AMIGO3: variants seen among roughly 807,000 people sequenced by gnomAD.
AMIGO3 encodes the protein amphoterin-induced protein 3.
AMIGO3 carries 6 observed loss-of-function variants against 4.3 expected under a neutral mutation model. The ratio of observed to expected loss-of-function variants is 1.39; its 90% CI spans 0.76 to 2.75. The LOEUF is 2.75. Among genes scored for constraint, AMIGO3 ranks in the 30% most tolerant of loss-of-function variants. The pLI, the probability that AMIGO3 is intolerant of heterozygous loss-of-function variation, is 0.00. For missense variants in AMIGO3, 771 were observed against 692.1 expected, an observed-to-expected ratio of 1.11 and a Z score of -1.28; for synonymous variants, 315 against 320.0, an observed-to-expected ratio of 0.98 and a Z score of 0.17.
Position 49,718,635 on chromosome 3 carries a change from T to G in AMIGO3, c.831A>C (p.Pro277=), listed in dbSNP as rs749952391. ...CTTCCGGCCGCTCTAGGCCAAGAGC[T>G]GGGGCCGACGAGCAGTTCTCAAAGA... is the stretch of plus-strand genomic sequence containing the variant. The part of the protein sequence containing the change: ...SRVFENCSSA[P]ALGLERPEEH... The change falls in exon 1 of 1, where the codon CCA becomes CCC. Residue 277 remains proline, a synonymous_variant. Coordinates refer to ENST00000320431, the MANE Select transcript of AMIGO3 (RefSeq NM_198722.3). 1 of 1,612,978 alleles carries G rather than the reference T, an allele frequency of 6.2e-7. No homozygotes were observed. The highest frequency in any genetic ancestry group is 1.1e-5 in the South Asian group (1 of 91,084).
rs1167266923 is a variant in AMIGO3, at chr3:49,719,215, A to AGGGGCGCCAACCAGCC, written c.235_250dup (p.Leu84ArgfsTer41). The AGGGGCGCCAACCAGCC allele has an allele frequency of 6.2e-7, 1 of 1,613,146 alleles. No homozygotes were observed. The highest frequency in any genetic ancestry group is 1.7e-5 in the Admixed American group (1 of 60,000). ...TAGGTGCAGGGCGCGCAGCTGGAAG[A>AGGGGCGCCAACCAGCC]GGGGCGCCAACCAGCCGGGGCGCAG... On this transcript the variant is annotated frameshift_variant, in exon 1 of 1. Coordinates refer to ENST00000320431, the MANE Select transcript of AMIGO3 (RefSeq NM_198722.3). LOFTEE classifies it low-confidence loss of function (END_TRUNC).
rs200083584 is a variant in AMIGO3 at position 49,717,942 on chromosome 3, C to T, written c.*9G>A. 4 of 1,607,760 alleles carry T rather than the reference C, an allele frequency of 2.5e-6. No homozygotes were observed. Among genetic ancestry groups the T allele is most frequent in the Admixed American group, 1.7e-5 (1 of 59,650 alleles). ...GGGTGGGGGCCTGGGTGGGGGAGCC[C>T]TGGGCAGTCTAGGTTGTCATGGGAC... On this transcript the variant is annotated 3_prime_UTR_variant, in exon 1 of 1. Transcript: ENST00000320431.
In AMIGO3 at chr3:49,718,701, C is replaced by A; in HGVS notation, c.765G>T (p.Lys255Asn). 6.2e-7 allele frequency: 1 copy of A among 1,613,014 alleles called. No homozygotes were observed. The highest frequency in any genetic ancestry group is 8.5e-7 in the Non-Finnish European group (1 of 1,179,940). Reference sequence around the variant, plus strand: ...AGAAGCGCACGCGGGACGCGGGTACCTTGAAGGCCAAGCATACGTACTCGC... The same window carrying A: ...AGAAGCGCACGCGGGACGCGGGTACATTGAAGGCCAAGCATACGTACTCGC... ...FAREYVCLAF[K>N]VPASRVRFFQ... The change falls in exon 1 of 1, where the codon AAG becomes AAT. Residue 255 changes from lysine to asparagine, a missense_variant. Coordinates refer to ENST00000320431, the MANE Select transcript of AMIGO3 (RefSeq NM_198722.3).
chr3:49,718,693 G>A lies in AMIGO3; in HGVS notation c.773C>T (p.Ala258Val). The A allele has an allele frequency of 6.2e-7, 1 of 1,612,982 alleles. No individual in the cohort carries two copies. The highest frequency in any genetic ancestry group is 8.5e-7 in the Non-Finnish European group (1 of 1,179,924). ...EYVCLAFKVP[A>V]SRVRFFQHSR... ...GTGCTGGAAGAAGCGCACGCGGGAC[G>A]CGGGTACCTTGAAGGCCAAGCATAC... The change falls in exon 1 of 1, where the codon GCG (alanine) becomes GTG (valine). Residue 258 changes from alanine to valine, a missense_variant. Ala to Val is a moderately conservative substitution (Grantham distance 64, BLOSUM62 0). Transcript: ENST00000320431.
chr3:49,717,447 T>G lies in AMIGO3; in HGVS notation c.*504A>C, dbSNP rs776248571. ...GGCGAGATCTTCCTTCAGAGCCGCC[T>G]TCTTTTCCCTGTGGGCCCACTCCCT... On this transcript the variant is annotated 3_prime_UTR_variant, in exon 1 of 1. Coordinates refer to ENST00000320431, the MANE Select transcript of AMIGO3 (RefSeq NM_198722.3). 1.1e-4 allele frequency: 18 copies of G among 168,524 alleles called. No individual in the cohort carries two copies. Among genetic ancestry groups the G allele is most frequent in the Admixed American group, 2.2e-4 (4 of 18,554 alleles). The allele number at this position is 168,524 out of a possible 1,614,324, so 10.4% of individuals were successfully genotyped here. A position where few individuals can be genotyped will look rare whatever the true frequency, so the allele number is the denominator to read the frequency against.
At position 49,718,569 on chromosome 3, in the gene AMIGO3, G is replaced by T; in HGVS notation, c.897C>A (p.Tyr299Ter). 1.2e-6 allele frequency: 2 copies of T among 1,613,122 alleles called. No individual in the cohort carries two copies. Among genetic ancestry groups the T allele is most frequent in the South Asian group, 1.1e-5 (1 of 91,086 alleles). The change falls in exon 1 of 1, where the codon TAC (tyrosine) becomes TAA (stop). Residue 299 changes from tyrosine to a stop codon, truncating the protein, a stop_gained. Transcript: ENST00000320431. LOFTEE classifies it low-confidence loss of function (END_TRUNC). The part of the protein sequence containing the change: ...YALVGRSLRL[Y>*]CNTSVPAMRI... ...GCATGGCCGGGACGCTGGTGTTGCA[G>T]TAAAGCCTCAGGGACCGACCCACCA...
In AMIGO3 at chr3:49,719,313, C is replaced by A; in HGVS notation, c.153G>T (p.Gly51=). The A allele has an allele frequency of 6.2e-7, 1 of 1,613,212 alleles. No individual in the cohort carries two copies. ...AADLLSCTGL[G]LQDVPAELPA... The stretch of plus-strand genomic sequence containing the variant: ...GTAACTCGGCTGGCACGTCCTGCAG[C>A]CCTAGGCCAGTGCAGCTTAGCAGGT... Residue 51 remains glycine, a synonymous_variant, in exon 1 of 1, where the codon GGG becomes GGT. Transcript: ENST00000320431.
rs2080295931 is a variant in AMIGO3, at chr3:49,718,317, T to A, written c.1149A>T (p.Thr383=). The change falls in exon 1 of 1, where the codon ACA becomes ACT. Residue 383 remains threonine, a synonymous_variant. Transcript: ENST00000320431. ...FPRPEPEAFN[T]GFTTLLGCAV... is the part of the protein sequence containing the mutation. ...CACAGCCCAGCAGTGTGGTGAAGCCTGTGTTGAAAGCCTCGGGCTCTGGGC... is the reference window on the plus strand; with the variant it reads ...CACAGCCCAGCAGTGTGGTGAAGCCAGTGTTGAAAGCCTCGGGCTCTGGGC... The A allele has an allele frequency of 1.9e-6, 3 of 1,613,294 alleles. No homozygotes were observed. The highest frequency in any genetic ancestry group is 1.1e-5 in the South Asian group (1 of 91,092).
rs1559692690 is a variant in AMIGO3, at chr3:49,719,438, G to C, written c.28C>G (p.Leu10Val). ...AACCCAACGCGCAGCATGCAGAGCA[G>C]TGTCCCCAGCAGCACCAACCAGGTC... MTWLVLLGT[L>V]LCMLRVGLGT... Residue 10 changes from leucine (L) to valine (V), a missense_variant, in exon 1 of 1, where the codon CTG becomes GTG. By Grantham distance (32) the Leu-to-Val change is conservative. Transcript: ENST00000320431. 1 of 1,613,428 alleles carries C rather than the reference G, an allele frequency of 6.2e-7. No individual in the cohort carries two copies. The highest frequency in any genetic ancestry group is 1.1e-5 in the South Asian group (1 of 91,040).
chr3:49,718,124 C>T lies in AMIGO3; in HGVS notation c.1342G>A (p.Ala448Thr). Residue 448 changes from alanine to threonine, a missense_variant, in exon 1 of 1, where the codon GCC (alanine) becomes ACC (threonine). Transcript: ENST00000320431. The stretch of plus-strand genomic sequence containing the variant: ...AAGACTACGTGCTTGTGGACGCTGG[C>T]CTTGCGGCTGGGTGCGTCTGGCGGT... ...TTPPDAPSRK[A>T]SVHKHVVFLE... The T allele has an allele frequency of 1.2e-6, 2 of 1,613,476 alleles. No homozygotes were observed. Among genetic ancestry groups the T allele is most frequent in the Non-Finnish European group, 1.7e-6 (2 of 1,180,042 alleles).
Position 49,717,861 on chromosome 3 carries a change from C to T in AMIGO3, c.*90G>A. On this transcript the variant is annotated 3_prime_UTR_variant, in exon 1 of 1. Transcript: ENST00000320431. ...GCTGGGGGGCCAGGCACAGTGCTTC[C>T]CACCAGTATCTGCCAGTTCTCTGGA... 1.4e-6 allele frequency: 2 copies of T among 1,408,276 alleles called. No homozygotes were observed. Among genetic ancestry groups the T allele is most frequent in the South Asian group, 1.3e-5 (1 of 74,538 alleles). The allele number at this position is 1,408,276 out of a possible 1,614,324, so 87.2% of individuals were successfully genotyped here.
Position 49,719,049 on chromosome 3 carries a change from A to C in AMIGO3, c.417T>G (p.Leu139=). 6.2e-7 allele frequency: 1 copy of C among 1,613,836 alleles called. No homozygotes were observed. Among genetic ancestry groups the C allele is most frequent in the Admixed American group, 1.7e-5 (1 of 60,032 alleles). The change falls in exon 1 of 1, where the codon CTT becomes CTG. Residue 139 remains leucine (L), a synonymous_variant. Transcript: ENST00000320431. ...AGTGCACCAAGCGGTTATTGAACAG[A>C]AGCAGCTTCTCCAGCGCCCCCAGCC... is the stretch of plus-strand genomic sequence containing the variant. ...LDGLGALEKL[L]LFNNRLVHLD... is the part of the protein sequence containing the mutation.
Position 49,718,724 on chromosome 3 carries a change from C to T in AMIGO3, c.742G>A (p.Glu248Lys), listed in dbSNP as rs1452024515. The T allele has an allele frequency of 2.5e-6, 4 of 1,612,988 alleles. No individual in the cohort carries two copies. Among genetic ancestry groups the T allele is most frequent in the Admixed American group, 1.7e-5 (1 of 60,004 alleles). ...ACCTTGAAGGCCAAGCATACGTACTCGCGCGCAAAGTCGCGCACGGCGCTC... is the reference window on the plus strand; with the variant it reads ...ACCTTGAAGGCCAAGCATACGTACTTGCGCGCAAAGTCGCGCACGGCGCTC... Reference protein sequence around the residue: ...GLSAVRDFAREYVCLAFKVPA... With the variant: ...GLSAVRDFARKYVCLAFKVPA... Residue 248 changes from glutamate to lysine, a missense_variant, in exon 1 of 1, where the codon GAG (glutamate) becomes AAG (lysine). Transcript: ENST00000320431.
At position 49,719,344 on chromosome 3, in the gene AMIGO3, G is replaced by A. The variant is rs767335517; in HGVS notation, c.122C>T (p.Ala41Val). The change falls in exon 1 of 1, where the codon GCT becomes GTT. Residue 41 changes from alanine to valine, a missense_variant. Ala to Val is a moderately conservative substitution (Grantham distance 64, BLOSUM62 0). Transcript: ENST00000320431. Reference sequence around the variant, plus strand: ...GCCAGTGCAGCTTAGCAGGTCGGCAGCGCAGATACATTTGTAGGGGCAGTT... The same window carrying A: ...GCCAGTGCAGCTTAGCAGGTCGGCAACGCAGATACATTTGTAGGGGCAGTT... ...LHNCPYKCIC[A>V]ADLLSCTGLG... The A allele has an allele frequency of 1.3e-5, 21 of 1,613,464 alleles. No homozygotes were observed. The highest frequency in any genetic ancestry group is 4.5e-5 in the East Asian group (2 of 44,886).
rs139031213 is a variant in AMIGO3, at chr3:49,718,943, C to T, written c.523G>A (p.Asp175Asn). The change falls in exon 1 of 1, where the codon GAC becomes AAC. Residue 175 changes from aspartate to asparagine, a missense_variant. Physicochemically the swap from Asp to Asn is conservative, Grantham distance 23 (BLOSUM62 1). Transcript: ENST00000320431. ...GCNELASFSF[D>N]HLHGLSATHL... ...GTGGCGCTCAGACCGTGCAGGTGGT[C>T]GAAGGAGAACGAGGCGAGTTCGTTG... 6 of 1,613,522 alleles carry T rather than the reference C, an allele frequency of 3.7e-6. No homozygotes were observed. The highest frequency in any genetic ancestry group is 1.1e-5 in the South Asian group (1 of 91,066).
At position 49,719,679 on chromosome 3, in the gene AMIGO3, C is replaced by A. The variant is rs960731645; in HGVS notation, c.-214G>T. On this transcript the variant is annotated 5_prime_UTR_variant, in exon 1 of 1. Coordinates refer to ENST00000320431, the MANE Select transcript of AMIGO3 (RefSeq NM_198722.3). ...CCGCGCTCCCTTCGGCTTCGCTAGC[C>A]CTCTCCAAGCGAGTTCCTGATCGGC... 4 of 552,998 alleles carry A rather than the reference C, an allele frequency of 7.2e-6. No individual in the cohort carries two copies. The highest frequency in any genetic ancestry group is 1.9e-5 in the African/African-American group (1 of 51,554). The allele number at this position is 552,998 out of a possible 1,614,324, so 34.3% of individuals were successfully genotyped here. A position where few individuals can be genotyped will look rare whatever the true frequency, so the allele number is the denominator to read the frequency against.
chr3:49,718,351 T>C lies in AMIGO3; in HGVS notation c.1115A>G (p.His372Arg), dbSNP rs760888415. The change falls in exon 1 of 1, where the codon CAC (histidine) becomes CGC (arginine). Residue 372 changes from histidine to arginine, a missense_variant. Coordinates refer to ENST00000320431, the MANE Select transcript of AMIGO3 (RefSeq NM_198722.3). Reference protein sequence around the residue: ...NQTHEYNVSVHFPRPEPEAFN... With the variant: ...NQTHEYNVSVRFPRPEPEAFN... ...AGCCTCGGGCTCTGGGCGCGGAAAG[T>C]GCACGCTCACGTTGTACTCGTGCGT... 2.5e-6 allele frequency: 4 copies of C among 1,613,362 alleles called. No individual in the cohort carries two copies. The Admixed American group carries it at 6.7e-5, about 27-fold the overall frequency.
In AMIGO3 at chr3:49,718,830, G is replaced by A. The variant is rs2080314562; in HGVS notation, c.636C>T (p.Asn212=). 6.2e-7 allele frequency: 1 copy of A among 1,613,446 alleles called. No individual in the cohort carries two copies. The highest frequency in any genetic ancestry group is 8.5e-7 in the Non-Finnish European group (1 of 1,180,050). Residue 212 remains asparagine, a synonymous_variant, in exon 1 of 1, where the codon AAC becomes AAT. Transcript: ENST00000320431. The part of the protein sequence containing the change: ...ELAALPAFLK[N]GLYLHNNPLP... ...AAGGGTTGTTGTGCAAGTAGAGGCC[G>A]TTCTTGAGGAAGGCCGGCAGCGCGG...
rs534126431 is a variant in AMIGO3 at position 49,718,228 on chromosome 3, G to C, written c.1238C>G (p.Ala413Gly). ...FAPPCRCCRR[A>G]CRCRRWPQTP... Reference sequence around the variant, plus strand: ...TTGGGGCCAGCGGCGGCAGCGGCAGGCACGGCGGCAGCAGCGGCAGGGTGG... The same window carrying C: ...TTGGGGCCAGCGGCGGCAGCGGCAGCCACGGCGGCAGCAGCGGCAGGGTGG... Residue 413 changes from alanine (A) to glycine (G), a missense_variant, in exon 1 of 1, where the codon GCC (alanine) becomes GGC (glycine). Transcript: ENST00000320431. 13 of 1,610,822 alleles carry C rather than the reference G, an allele frequency of 8.1e-6. No individual in the cohort carries two copies. The South Asian group carries it at 1.4e-4, about 18-fold the overall frequency.
Sources: allele counts gnomAD v4.1 joint callset, GRCh38; gene constraint gnomAD v4.1.1; transcripts MANE v1.5; gene names NCBI Gene and HGNC (gene_info 2026-07-23, HGNC 2026-07-21).